The following BCL11B variants were observed in gnomAD, a reference collection of about 807,000 sequenced individuals.
The protein encoded by BCL11B is BCL11 transcription factor B.
BCL11B carries 8 observed loss-of-function variants against 49.9 expected under a neutral mutation model. The observed-to-expected ratio is 0.16, with a 90% CI of 0.09 to 0.29. BCL11B has a LOEUF of 0.29. Among genes scored for constraint, BCL11B ranks in the 10% least tolerant of loss-of-function variants. The pLI, the probability that BCL11B is intolerant of heterozygous loss-of-function variation, is 1.00. For missense variants in BCL11B, 1,006 were observed against 1,351.0 expected, an observed-to-expected ratio of 0.74 and a Z score of 4.00; for synonymous variants, 739 against 637.4, an observed-to-expected ratio of 1.16 and a Z score of -2.40.
At position 99,247,612 on chromosome 14, in the gene BCL11B, T is replaced by C. The variant is rs1043504491; in HGVS notation, c.427+9859A>G. Among the ~76,000 whole-genome samples the C allele has an allele frequency of 2.0e-5, 3 of 152,202 alleles. No homozygotes were observed. Among genetic ancestry groups the C allele is most frequent in the African/African-American group, 7.2e-5 (3 of 41,464 alleles). On this transcript the variant is annotated intron_variant, in intron 2 of 3. Coordinates refer to ENST00000357195, the MANE Select transcript of BCL11B (RefSeq NM_138576.4). The surrounding 1 kb of genome is among the most constrained non-coding windows in gnomAD (Gnocchi z 4.5). Reference sequence around the variant, plus strand: ...AAGGCTTTGAAATAAAGCCACCTTCTCCACTCCTTTCCAGGATGCCTTTGG... The same window carrying C: ...AAGGCTTTGAAATAAAGCCACCTTCCCCACTCCTTTCCAGGATGCCTTTGG...
At chr14:99,219,049 T>C (rs868796377) in intron 3 of BCL11B, among the ~76,000 whole-genome samples, 150 of 151,752 alleles carry the variant, frequency 9.9e-4, no homozygotes, top group African/African-American at 3.5e-3. Flanking sequence ...TTTCTTCTTT[T>C]TTTTTTTTTG....
chr14:99,181,144 G>A (rs1426515140), intron 3 of BCL11B, among the ~76,000 whole-genome samples: 1 of 152,212 alleles, frequency 6.6e-6, no homozygotes, highest in Non-Finnish European at 1.5e-5. Context: ...ATTCCTGCCT[G>A]GGTGAGATTT....
chr14:99,215,766 G>A (rs543310046), intron 3 of BCL11B, among the ~76,000 whole-genome samples: 2 of 152,302 alleles, frequency 1.3e-5, no homozygotes, highest in African/African-American at 2.4e-5. Context: ...GAGAAAGAGG[G>A]AGAAAAACAA....
At chr14:99,210,920 A>G (rs1887669650) in intron 3 of BCL11B, among the ~76,000 whole-genome samples, 1 of 151,910 alleles carries the variant, frequency 6.6e-6, no homozygotes, top group African/African-American at 2.4e-5. Flanking sequence ...GATGACAATG[A>G]TCCTAATAAG....
At chr14:99,207,005 G>A (rs1246001887) in intron 3 of BCL11B, among the ~76,000 whole-genome samples, 3 of 152,220 alleles carry the variant, frequency 2.0e-5, no homozygotes, top group Non-Finnish European at 4.4e-5. Flanking sequence ...CAAGCTTGCA[G>A]TTGATCCAAA....
rs1039931129 is a variant in BCL11B at position 99,195,855 on chromosome 14, C to A, written c.641-19660G>T. Among the ~76,000 whole-genome samples, 3 of 152,150 alleles carry A rather than the reference C, an allele frequency of 2.0e-5. No individual in the cohort carries two copies. Among genetic ancestry groups the A allele is most frequent in the African/African-American group, 7.2e-5 (3 of 41,424 alleles). ...AGACTGAGCTGACACAGCCCTCCTG[C>A]CTGCTGCCCAGAAGAGCCCTTAAAA... On this transcript the variant is annotated intron_variant, in intron 3 of 3. Coordinates refer to ENST00000357195, the MANE Select transcript of BCL11B (RefSeq NM_138576.4). This position sits in a 1 kb window ranked among gnomAD's most constrained non-coding sequence, Gnocchi z 4.7.
At chr14:99,243,054 C>T (rs1031760119) in intron 2 of BCL11B, among the ~76,000 whole-genome samples, 3 of 152,192 alleles carry the variant, frequency 2.0e-5, no homozygotes, top group African/African-American at 7.2e-5. Context: ...GTCTACATGT[C>T]CCCTGTCCAG....
chr14:99,264,654 T>G (rs1889430496), intron 1 of BCL11B: 1 of 152,172 alleles, frequency 6.6e-6, no homozygotes. Context: ...TTTCAGCAAC[T>G]GCACAAAAGA....
chr14:99,250,074 C>T (rs1430869267), intron 2 of BCL11B, among the ~76,000 whole-genome samples: 4 of 136,560 alleles, frequency 2.9e-5, no homozygotes, highest in Non-Finnish European at 4.6e-5. Context: ...CTCCTTCTGT[C>T]GCCCAGGCTG....
chr14:99,206,713 A>G (rs949294128), intron 3 of BCL11B, among the ~76,000 whole-genome samples: 1 of 152,254 alleles, frequency 6.6e-6, no homozygotes, highest in African/African-American at 2.4e-5. Context: ...TTTCATTATT[A>G]ATTATTGTTG....
intron 3 of BCL11B, among the ~76,000 whole-genome samples, chr14:99,216,965 T>A (rs11160507): frequency 0.32 from 48,977 of 151,944 alleles, 9,270 homozygotes; most frequent in Non-Finnish European, 0.44. Context: ...TGCACACACG[T>A]GTGTGCATAC....
intron 2 of BCL11B, among the ~76,000 whole-genome samples, chr14:99,235,644 TC>T (rs34919739): frequency 0.1 from 15,620 of 151,334 alleles, 2,276 homozygotes; most frequent in African/African-American, 0.33. Context: ...TATTTTTCTC[TC>T]CCCCCTCTCT....
At chr14:99,215,434 T>C (rs535748227) in intron 3 of BCL11B, among the ~76,000 whole-genome samples, 25 of 152,348 alleles carry the variant, frequency 1.6e-4, no homozygotes, top group Non-Finnish European at 3.4e-4. Context: ...ACAGTGCCTA[T>C]GTGTGCCGGC....
At chr14:99,206,200 C>T (rs1887528575) in intron 3 of BCL11B, among the ~76,000 whole-genome samples, 1 of 152,168 alleles carries the variant, frequency 6.6e-6, no homozygotes, top group African/African-American at 2.4e-5. Context: ...TATCTCTTAT[C>T]CCTGGGGGCC....
At chr14:99,199,241 A>G (rs1306631016) in intron 3 of BCL11B, among the ~76,000 whole-genome samples, 2 of 152,184 alleles carry the variant, frequency 1.3e-5, no homozygotes, top group Non-Finnish European at 2.9e-5. Context: ...TTTCATTTCA[A>G]TGTATTCATC....
intron 1 of BCL11B, among the ~76,000 whole-genome samples, chr14:99,266,727 C>T (rs1007657547): frequency 5.9e-5 from 9 of 152,252 alleles, no homozygotes; most frequent in Non-Finnish European, 8.8e-5. Context: ...ACACGGGCAC[C>T]GAGCTCCCCC....
At chr14:99,266,197 A>G (rs896287645) in intron 1 of BCL11B, among the ~76,000 whole-genome samples, 1 of 152,226 alleles carries the variant, frequency 6.6e-6, no homozygotes, top group East Asian at 1.9e-4. Context: ...ACATTACCTA[A>G]TAAATGGAAT....
Position 99,172,448 on chromosome 14 carries a change from G to A in BCL11B, c.*1703C>T, listed in dbSNP as rs1886321515. ...AAATGTGGCTTTGTTAGTTTCTAAA[G>A]AATGTACTTTTCTTGTTTTACTTTT... is the stretch of plus-strand genomic sequence containing the variant. On this transcript the variant is annotated 3_prime_UTR_variant, in exon 4 of 4. Coordinates refer to ENST00000357195, the MANE Select transcript of BCL11B (RefSeq NM_138576.4). The A allele has an allele frequency of 4.8e-6, 1 of 207,872 alleles. No homozygotes were observed. The highest frequency in any genetic ancestry group is 1.9e-4 in the South Asian group (1 of 5,256). 12.9% of individuals were successfully genotyped at this position (207,872 alleles called of 1,614,324 possible).
At chr14:99,207,521 T>C (rs1003251122) in intron 3 of BCL11B, among the ~76,000 whole-genome samples, 2 of 152,148 alleles carry the variant, frequency 1.3e-5, no homozygotes, top group African/African-American at 4.8e-5. Context: ...TCCAAAAGCA[T>C]CCCCTATTCA....
Sources: gnomAD v4.1 joint callset for allele counts (sites outside exome capture counted in the v4.1 genomes callset) on GRCh38, gnomAD v4.1.1 for gene constraint, Gnocchi (gnomAD v3.1) non-coding constraint, MANE v1.5 for transcripts, NCBI Gene and HGNC (gene_info 2026-07-23, HGNC 2026-07-21) for gene names.